Variants in RBPMS observed in about 807,000 individuals in gnomAD.
RBPMS encodes RNA binding protein, mRNA processing factor, also known as RNA-binding protein with multiple splicing.
RBPMS carries 7 observed loss-of-function variants against 26.8 expected under a neutral mutation model. The ratio of observed to expected loss-of-function variants is 0.26; its 90% CI spans 0.15 to 0.49. The LOEUF (loss-of-function observed/expected upper bound fraction) is 0.49, where lower values mean the gene tolerates loss of function less well. RBPMS is among the 20% of genes least tolerant of loss of function. RBPMS has a pLI of 0.98. For synonymous variants in RBPMS, 96 were observed against 93.3 expected (o/e 1.03, Z -0.17); for missense variants, 186 against 250.0 (o/e 0.74, Z 1.73).
At chr8:30,421,135 T>C (rs567349053) in intron 1 of RBPMS, among the ~76,000 whole-genome samples, 1 of 152,166 alleles carries the variant, frequency 6.6e-6, no homozygotes, top group Admixed American at 6.5e-5. Flanking sequence ...TTGTGAAAAT[T>C]TGTTTTCTTA....
At chr8:30,450,464 G>A (rs1814430530) in intron 1 of RBPMS, among the ~76,000 whole-genome samples, 1 of 152,126 alleles carries the variant, frequency 6.6e-6, no homozygotes, top group Non-Finnish European at 1.5e-5. Flanking sequence ...TTGAGGAGGA[G>A]GTGGGAAGGA....
chr8:30,523,498 C>T (rs1823270156), intron 5 of RBPMS, among the ~76,000 whole-genome samples: 2 of 150,918 alleles, frequency 1.3e-5, no homozygotes, highest in South Asian at 4.2e-4. Context: ...TACATAATGG[C>T]ATGTTGCAAA....
At chr8:30,565,114 A>AGAT (rs1289274355) in intron 7 of RBPMS, 2 of 152,218 alleles carry the variant, frequency 1.3e-5, no homozygotes, top group African/African-American at 2.4e-5. Context: ...TCATGTGCAA[A>AGAT]GATGATTATT....
intron 5 of RBPMS, among the ~76,000 whole-genome samples, chr8:30,528,048 G>A (rs1009157912): frequency 2.0e-5 from 3 of 152,102 alleles, no homozygotes; most frequent in Admixed American, 6.5e-5. Context: ...GGTGGCGGGC[G>A]CCTGTAATCC....
intron 1 of RBPMS, 83 bp from the exon 2 acceptor site, chr8:30,474,696 T>A: frequency 1.3e-6 from 1 of 775,706 alleles, no homozygotes; most frequent in East Asian, 2.5e-5. Flanking sequence ...ATATTTGGAA[T>A]AATATGTTTC....
intron 4 of RBPMS, among the ~76,000 whole-genome samples, chr8:30,493,730 C>T (rs938990162): frequency 6.6e-6 from 1 of 152,152 alleles, no homozygotes. Flanking sequence ...CCAGGTCTTT[C>T]AATCATCCTT....
intron 4 of RBPMS, among the ~76,000 whole-genome samples, chr8:30,500,581 G>GT (rs1022181992): frequency 6.6e-6 from 1 of 152,132 alleles, no homozygotes; most frequent in Non-Finnish European, 1.5e-5. Flanking sequence ...ACTGTATCAG[G>GT]TATGAGGGTG....
intron 1 of RBPMS, among the ~76,000 whole-genome samples, chr8:30,418,126 T>G (rs1415543139): frequency 6.6e-6 from 1 of 152,262 alleles, no homozygotes; most frequent in East Asian, 1.9e-4. Context: ...AATTTCTGGA[T>G]GAAAGTGATG....
chr8:30,467,099 CA>C (rs1563346327), intron 1 of RBPMS, among the ~76,000 whole-genome samples: 1 of 152,172 alleles, frequency 6.6e-6, no homozygotes, highest in East Asian at 1.9e-4. Context: ...TGACCAAAGC[CA>C]GTTCATTTCT....
chr8:30,449,943 C>G (rs1312836799), intron 1 of RBPMS, among the ~76,000 whole-genome samples: 1 of 152,214 alleles, frequency 6.6e-6, no homozygotes, highest in Non-Finnish European at 1.5e-5. Context: ...TTACAATTTA[C>G]TTTTAGTTAC....
chr8:30,385,120 G>T lies in RBPMS; in HGVS notation c.28G>T (p.Glu10Ter). ...GAACAACGGCGGCAAAGCCGAGAAG[G>T]AGAACACCCCGAGCGAGGCCAACCT... MNNGGKAEK[E>*]NTPSEANLQE... The change falls in exon 1 of 9, where the codon GAG becomes TAG. Residue 10 changes from glutamate to a stop codon, truncating the protein, a stop_gained. Transcript: ENST00000397323. LOFTEE classifies it high-confidence loss of function. 6.5e-7 allele frequency: 1 copy of T among 1,529,360 alleles called. No individual in the cohort carries two copies. The highest frequency in any genetic ancestry group is 8.8e-7 in the Non-Finnish European group (1 of 1,139,920). 94.7% of individuals were successfully genotyped at this position (1,529,360 alleles called of 1,614,324 possible).
chr8:30,477,747 A>G (rs1046157232), intron 2 of RBPMS, 52 bp from the exon 3 acceptor site: 1 of 1,216,712 alleles, frequency 8.2e-7, no homozygotes, highest in African/African-American at 1.5e-5. Flanking sequence ...CATGAACAAG[A>G]TGGTATTACT....
intron 7 of RBPMS, chr8:30,565,548 G>A (rs981918224): frequency 1.3e-5 from 2 of 150,684 alleles, no homozygotes; most frequent in East Asian, 1.9e-4. Context: ...GTAACCAGCC[G>A]GCTCAGAGGC....
intron 1 of RBPMS, among the ~76,000 whole-genome samples, chr8:30,471,515 A>G (rs1390189030): frequency 6.6e-6 from 1 of 152,200 alleles, no homozygotes; most frequent in Non-Finnish European, 1.5e-5. Flanking sequence ...TTAGAACGTA[A>G]GTTCTGCTTA....
intron 2 of RBPMS, among the ~76,000 whole-genome samples, chr8:30,475,696 G>A (rs543244490): frequency 3.1e-4 from 47 of 152,310 alleles, no homozygotes; most frequent in African/African-American, 1.0e-3. Context: ...TTAGGAAGAC[G>A]GAATTGGATA....
intron 1 of RBPMS, among the ~76,000 whole-genome samples, chr8:30,411,111 C>T (rs1210300114): frequency 1.3e-5 from 2 of 152,116 alleles, no homozygotes; most frequent in Non-Finnish European, 2.9e-5. Context: ...TGTCTTATTT[C>T]GTACTGGCAC....
At chr8:30,536,957 C>T (rs1824864809) in intron 5 of RBPMS, among the ~76,000 whole-genome samples, 1 of 152,172 alleles carries the variant, frequency 6.6e-6, no homozygotes, top group Non-Finnish European at 1.5e-5. Context: ...TTGTCAAAAT[C>T]CAGGCTCGCA....
chr8:30,489,967 C>G (rs532886873), intron 4 of RBPMS, among the ~76,000 whole-genome samples: 2 of 152,030 alleles, frequency 1.3e-5, no homozygotes, highest in Non-Finnish European at 2.9e-5. Flanking sequence ...CCCGCCACCA[C>G]GCCCGGCTAA....
intron 1 of RBPMS, among the ~76,000 whole-genome samples, chr8:30,419,265 G>A (rs1810457801): frequency 6.6e-6 from 1 of 152,108 alleles, no homozygotes; most frequent in African/African-American, 2.4e-5. Context: ...GGCCAACATG[G>A]CGAAACCCCA....
Sources: gnomAD v4.1 joint callset for allele counts (sites outside exome capture counted in the v4.1 genomes callset) on GRCh38, gnomAD v4.1.1 for gene constraint, MANE v1.5 for transcripts, NCBI Gene and HGNC (gene_info 2026-07-23, HGNC 2026-07-21) for gene names.